Variants in ABCC9 observed in about 807,000 individuals in gnomAD.
The protein encoded by ABCC9 is ATP-binding cassette sub-family C member 9.
ABCC9 carries 95 observed loss-of-function variants against 188.3 expected under a neutral mutation model. The observed-to-expected ratio is 0.50, with a 90% CI of 0.43 to 0.60. ABCC9 has a LOEUF of 0.60. Among genes scored for constraint, ABCC9 ranks in the 20% least tolerant of loss-of-function variants. The pLI, the probability that ABCC9 is intolerant of heterozygous loss-of-function variation, is 0.00. For synonymous variants in ABCC9, 659 were observed against 652.7 expected (o/e 1.01, Z -0.15); for missense variants, 1,102 against 1,876.3 (o/e 0.59, Z 7.62).
At position 21,807,315 on chromosome 12, in the gene ABCC9, T is replaced by C. The variant is rs202229257; in HGVS notation, c.4449+31A>G. On this transcript the variant is annotated intron_variant, in intron 38 of 39. Coordinates refer to ENST00000261200, the MANE Select transcript of ABCC9 (RefSeq NM_020297.4). ...TTTTCATGCACATTTCTCCAATTCG[T>C]CAATTTTAAAAGCTTAGATAATGCA... The C allele has an allele frequency of 6.1e-5, 98 of 1,613,538 alleles. No individual in the cohort carries two copies. The East Asian group carries it at 2.1e-3, about 34-fold the overall frequency.
Position 21,815,905 on chromosome 12 carries a change from G to C in ABCC9, c.3893-12C>G. Reference sequence around the variant, plus strand: ...AACTTGAGAAGGATCTGGAGGATGGGATGGGGAAATAGACAGATAATAGGC... The same window carrying C: ...AACTTGAGAAGGATCTGGAGGATGGCATGGGGAAATAGACAGATAATAGGC... On this transcript the variant is annotated splice_polypyrimidine_tract_variant and intron_variant, in intron 33 of 39. Transcript: ENST00000261200. 1.2e-6 allele frequency: 2 copies of C among 1,611,540 alleles called. No individual in the cohort carries two copies. Among genetic ancestry groups the C allele is most frequent in the Non-Finnish European group, 1.7e-6 (2 of 1,178,394 alleles).
At chr12:21,921,002 A>T (rs1015328272) in intron 5 of ABCC9, among the ~76,000 whole-genome samples, 6 of 152,100 alleles carry the variant, frequency 3.9e-5, no homozygotes, top group Admixed American at 6.6e-5. Context: ...TCAAAATCTT[A>T]GCTATTGTGA....
Position 21,862,834 on chromosome 12 carries a change from G to A in ABCC9, c.2339+119C>T, listed in dbSNP as rs704193. 0.31 allele frequency: 220,746 copies of A among 702,446 alleles called. 35,708 individuals carry two copies. Among genetic ancestry groups the A allele is most frequent in the Admixed American group, 0.41 (16,700 of 41,048 alleles). The allele number at this position is 702,446 out of a possible 1,614,324, so 43.5% of individuals were successfully genotyped here. ...AGACCTTGGTGATGAGGATGAAAAC[G>A]GGGCCAGCAGGAAAGAAAATACCAG... On this transcript the variant is annotated intron_variant, in intron 20 of 39. Transcript: ENST00000261200.
chr12:21,916,365 C>T (rs1046055115), intron 6 of ABCC9, among the ~76,000 whole-genome samples: 10 of 152,112 alleles, frequency 6.6e-5, no homozygotes, highest in African/African-American at 2.4e-4. Context: ...GTTCAAAGTT[C>T]TCTGATAAAA....
At chr12:21,825,742 T>C (rs1253047493) in intron 31 of ABCC9, among the ~76,000 whole-genome samples, 2 of 152,116 alleles carry the variant, frequency 1.3e-5, no homozygotes, top group African/African-American at 4.8e-5. Context: ...CGTATACCTA[T>C]GTTACAAACA....
At position 21,936,651 on chromosome 12, in the gene ABCC9, G is replaced by T; in HGVS notation, c.24C>A (p.Asn8Lys). Residue 8 changes from asparagine (N) to lysine (K), a missense_variant, in exon 3 of 40, where the codon AAC becomes AAA. Asn to Lys is a moderately conservative substitution (Grantham distance 94). Transcript: ENST00000261200. MSLSFCG[N>K]NISSYNINDG... ...CGTTGATATTATATGAAGAAATGTT[G>T]TTACCACAAAATGAAAGGCTCATTT... 6.2e-7 allele frequency: 1 copy of T among 1,611,222 alleles called. No individual in the cohort carries two copies. Among genetic ancestry groups the T allele is most frequent in the South Asian group, 1.1e-5 (1 of 90,932 alleles).
At chr12:21,885,936 C>T (rs1946855530) in intron 15 of ABCC9, among the ~76,000 whole-genome samples, 1 of 152,050 alleles carries the variant, frequency 6.6e-6, no homozygotes, top group African/African-American at 2.4e-5. Context: ...AAGTTCCAAT[C>T]AGTTCCAGTC....
At chr12:21,872,536 A>T in intron 18 of ABCC9, 89 bp downstream of exon 18, 2 of 1,053,186 alleles carry the variant, frequency 1.9e-6, no homozygotes, top group Admixed American at 1.7e-5. Flanking sequence ...TCAGAGTCAG[A>T]ACATGTAAAT....
intron 7 of ABCC9, among the ~76,000 whole-genome samples, 154 bp downstream of exon 7, chr12:21,915,514 A>ATATATATAT: frequency 5.7e-4 from 2 of 3,522 alleles, no homozygotes; most frequent in African/African-American, 1.1e-3. Flanking sequence ...ATATATATAT[A>ATATATATAT]TTTTTTTTTT....
chr12:21,867,277 C>A (rs535962130), intron 18 of ABCC9, among the ~76,000 whole-genome samples: 1 of 152,162 alleles, frequency 6.6e-6, no homozygotes, highest in Non-Finnish European at 1.5e-5. Context: ...TATATAATTT[C>A]TCTTCCAAAA....
chr12:21,894,299 C>G, intron 13 of ABCC9, 125 bp from the exon 14 acceptor site: 1 of 1,135,794 alleles, frequency 8.8e-7, no homozygotes, highest in Non-Finnish European at 1.3e-6. Flanking sequence ...ATAACAATGA[C>G]TTCATCCAAA....
intron 30 of ABCC9, among the ~76,000 whole-genome samples, chr12:21,836,466 T>TCTTTCAATA (rs1311224759): frequency 6.6e-6 from 1 of 152,232 alleles, no homozygotes; most frequent in East Asian, 1.9e-4. Flanking sequence ...TGTTATATCT[T>TCTTTCAATA]CTTTCAATAT....
chr12:21,811,055 G>A (rs1367624282), intron 36 of ABCC9, among the ~76,000 whole-genome samples: 4 of 152,066 alleles, frequency 2.6e-5, no homozygotes, highest in South Asian at 2.1e-4. Flanking sequence ...TAATCCTCAC[G>A]TGTCCAGGGA....
intron 31 of ABCC9, chr12:21,828,480 CT>C (rs1305572740): frequency 4.8e-6 from 1 of 210,014 alleles, no homozygotes; most frequent in Non-Finnish European, 9.7e-6. Flanking sequence ...GATGCCAAAG[CT>C]TGTGCTTGTT....
At chr12:21,809,530 G>A (rs1942086740) in intron 37 of ABCC9, among the ~76,000 whole-genome samples, 1 of 152,048 alleles carries the variant, frequency 6.6e-6, no homozygotes, top group Non-Finnish European at 1.5e-5. Flanking sequence ...TGATCAGACA[G>A]GTCAACTGAG....
chr12:21,805,854 T>A, intron 39 of ABCC9, 144 bp downstream of exon 39: 2 of 790,952 alleles, frequency 2.5e-6, no homozygotes, highest in Non-Finnish European at 2.1e-6. Flanking sequence ...CATCTTCGTA[T>A]TTTTTTTCTT....
At chr12:21,826,348 G>A (rs1425879086) in intron 31 of ABCC9, among the ~76,000 whole-genome samples, 3 of 151,806 alleles carry the variant, frequency 2.0e-5, no homozygotes, top group Non-Finnish European at 2.9e-5. Flanking sequence ...TAGTCTCCAA[G>A]GTACTATATC....
chr12:21,917,162 T>G, intron 5 of ABCC9, 59 bp from the exon 6 acceptor site: 1 of 1,522,682 alleles, frequency 6.6e-7, no homozygotes, highest in Non-Finnish European at 9.1e-7. Context: ...TCACTAGCAT[T>G]TGAATGTAAT....
rs1941254003 is a variant in ABCC9 at position 21,798,316 on chromosome 12, C to T, written c.*2728G>A. The T allele has an allele frequency of 6.6e-6, 1 of 151,732 alleles. No individual in the cohort carries two copies. Among genetic ancestry groups the T allele is most frequent in the South Asian group, 2.1e-4 (1 of 4,776 alleles). The allele number at this position is 151,732 out of a possible 1,614,324, so 9.4% of individuals were successfully genotyped here. A position where few individuals can be genotyped will look rare whatever the true frequency, so the allele number is the denominator to read the frequency against. The stretch of plus-strand genomic sequence containing the variant: ...TGTTCCTATTTCTCCACATCCTCTC[C>T]AGCACCTGTTGTTTCCTGACTTTTT... On this transcript the variant is annotated 3_prime_UTR_variant, in exon 40 of 40. Transcript: ENST00000261200.
Sources: gnomAD v4.1 joint callset for allele counts (sites outside exome capture counted in the v4.1 genomes callset) on GRCh38, gnomAD v4.1.1 for gene constraint, MANE v1.5 for transcripts, NCBI Gene and HGNC (gene_info 2026-07-23, HGNC 2026-07-21) for gene names.